MCHR2: variants seen among roughly 807,000 people sequenced by gnomAD.
The protein encoded by MCHR2 is melanin concentrating hormone receptor 2.
MCHR2 carries 15 observed loss-of-function variants against 24.8 expected under a neutral mutation model. That is an observed-to-expected ratio of 0.60 (90% confidence interval 0.40 to 0.93). The LOEUF (loss-of-function observed/expected upper bound fraction) is 0.93. Ranked by LOEUF, MCHR2 falls within the 40% of genes least tolerant of loss-of-function variation. The pLI is 0.00. For synonymous variants in MCHR2, 151 were observed against 147.6 expected, an observed-to-expected ratio of 1.02 and a Z score of -0.17; for missense variants, 386 against 408.7, an observed-to-expected ratio of 0.94 and a Z score of 0.48.
chr6:99,936,614 C>T (rs1245245912), intron 4 of MCHR2, among the ~76,000 whole-genome samples: 2 of 152,002 alleles, frequency 1.3e-5, no homozygotes, highest in Non-Finnish European at 2.9e-5. Context: ...ATTTTGAAGT[C>T]GGGTAGCATG....
chr6:99,970,384 T>C (rs1775383280), intron 1 of MCHR2, among the ~76,000 whole-genome samples: 1 of 152,258 alleles, frequency 6.6e-6, no homozygotes, highest in African/African-American at 2.4e-5. Context: ...GTTCATATCC[T>C]TTGCCCACTT....
At position 99,955,954 on chromosome 6, in the gene MCHR2, G is replaced by T; in HGVS notation, c.182+12C>A. 6.7e-7 allele frequency: 1 copy of T among 1,491,718 alleles called. No individual in the cohort carries two copies. The highest frequency in any genetic ancestry group is 2.4e-5 in the Admixed American group (1 of 42,288). The allele number at this position is 1,491,718 out of a possible 1,614,324, so 92.4% of individuals were successfully genotyped here. A position where few individuals can be genotyped will look rare whatever the true frequency, so the allele number is the denominator to read the frequency against. On this transcript the variant is annotated intron_variant, in intron 2 of 5. Transcript: ENST00000281806. ...ATGGAAGGAAAAAAAAAAAAAAGGA[G>T]CCATTCCTTACCTTATTATAGTGAA...
At chr6:99,987,727 T>A (rs1193660632) in intron 1 of MCHR2, among the ~76,000 whole-genome samples, 1 of 151,944 alleles carries the variant, frequency 6.6e-6, no homozygotes, top group African/African-American at 2.4e-5. Context: ...TATAAGAAAT[T>A]AAGAGTTAAA....
intron 1 of MCHR2, among the ~76,000 whole-genome samples, chr6:99,975,359 AG>A (rs1775527373): frequency 6.6e-6 from 1 of 152,204 alleles, no homozygotes; most frequent in Non-Finnish European, 1.5e-5. Context: ...CCGTGGCCGT[AG>A]GACCCTCTGA....
chr6:99,929,660 C>A (rs985564844), intron 5 of MCHR2, among the ~76,000 whole-genome samples: 79 of 152,096 alleles, frequency 5.2e-4, no homozygotes, highest in Non-Finnish European at 8.7e-4. Context: ...AGGATTGCAA[C>A]CCCTGCCTTT....
chr6:99,973,746 G>A (rs1775486718), intron 1 of MCHR2, among the ~76,000 whole-genome samples: 1 of 152,076 alleles, frequency 6.6e-6, no homozygotes, highest in Non-Finnish European at 1.5e-5. Flanking sequence ...GCTCTTGTAG[G>A]GCAGGCCTGG....
chr6:99,935,520 GTT>G (rs1372709618), intron 4 of MCHR2, among the ~76,000 whole-genome samples: 1 of 151,864 alleles, frequency 6.6e-6, no homozygotes, highest in East Asian at 1.9e-4. Context: ...TTCTATTCAT[GTT>G]GCTACAAATG....
At chr6:99,941,366 T>C (rs993624820) in intron 4 of MCHR2, among the ~76,000 whole-genome samples, 9 of 151,862 alleles carry the variant, frequency 5.9e-5, no homozygotes, top group Non-Finnish European at 1.2e-4. Context: ...TTGTCTTTGA[T>C]TTTCTGAGGG....
intron 1 of MCHR2, among the ~76,000 whole-genome samples, chr6:99,974,741 G>A (rs1775512769): frequency 6.6e-6 from 1 of 152,122 alleles, no homozygotes; most frequent in South Asian, 2.1e-4. Context: ...GGTTTTTGGT[G>A]TGTACTTCCT....
In MCHR2 at chr6:99,934,536, AAGAG is replaced by A. The variant is rs751691904; in HGVS notation, c.588-23_588-20del. 1.9e-5 allele frequency: 30 copies of A among 1,543,442 alleles called. No individual in the cohort carries two copies. Among genetic ancestry groups the A allele is most frequent in the Middle Eastern group, 3.5e-4 (2 of 5,744 alleles). On this transcript the variant is annotated intron_variant, in intron 4 of 5. Coordinates refer to ENST00000281806, the MANE Select transcript of MCHR2 (RefSeq NM_001040179.2). ...TGTATACCTGTAAAATGAGAGAGAGAAGAGAGAGAGAGAAAGAACAACACCATTA... is the reference window on the plus strand; with the variant it reads ...TGTATACCTGTAAAATGAGAGAGAGAAGAGAGAGAAAGAACAACACCATTA...
chr6:99,934,791 A>C (rs1774623934), intron 4 of MCHR2, among the ~76,000 whole-genome samples: 2 of 152,084 alleles, frequency 1.3e-5, no homozygotes, highest in South Asian at 4.1e-4. Context: ...ACCAATCTTC[A>C]GTGTTTAACA....
intron 5 of MCHR2, among the ~76,000 whole-genome samples, chr6:99,922,345 G>C (rs567749168): frequency 6.6e-6 from 1 of 151,984 alleles, no homozygotes; most frequent in African/African-American, 2.4e-5. Flanking sequence ...CTAACCTCGC[G>C]ATCCGCCCGC....
rs770481863 is a variant in MCHR2 at position 99,947,878 on chromosome 6, T to C, written c.276A>G (p.Gln92=). The C allele has an allele frequency of 1.4e-5, 23 of 1,613,126 alleles. No individual in the cohort carries two copies. The highest frequency in any genetic ancestry group is 8.4e-5 in the Admixed American group (5 of 59,866). ...ACACCCACTCTCCCCCTCGGGCCCA[T>C]TGGTGAATAAGAAAAGGCATTCCAA... The part of the protein sequence containing the change: ...HIVGMPFLIH[Q]WARGGEWVFG... Residue 92 remains glutamine (Q), a synonymous_variant, in exon 3 of 6, where the codon CAA becomes CAG. Coordinates refer to ENST00000281806, the MANE Select transcript of MCHR2 (RefSeq NM_001040179.2).
intron 4 of MCHR2, among the ~76,000 whole-genome samples, chr6:99,940,275 T>C (rs909823133): frequency 6.6e-6 from 1 of 152,122 alleles, no homozygotes; most frequent in African/African-American, 2.4e-5. Context: ...AGTCTTCATT[T>C]CTTTTCATTC....
At chr6:99,955,901 G>T in intron 2 of MCHR2, 65 bp downstream of exon 2, 1 of 1,319,152 alleles carries the variant, frequency 7.6e-7, no homozygotes, top group Non-Finnish European at 1.0e-6. Context: ...GACTCATTTA[G>T]GGAGCTTTGA....
chr6:99,945,554 G>A lies in MCHR2; in HGVS notation c.392+2208C>T, dbSNP rs1043646244. Among the ~76,000 whole-genome samples, 5 of 152,158 alleles carry A rather than the reference G, an allele frequency of 3.3e-5. No individual in the cohort carries two copies. In the East Asian group the frequency reaches 5.8e-4, roughly 18 times the overall value. ...CTTGAAATGCATGATCTATTAAACT[G>A]GCAATTAAAATGATTTAAATATGTA... On this transcript the variant is annotated intron_variant, in intron 3 of 5. Coordinates refer to ENST00000281806, the MANE Select transcript of MCHR2 (RefSeq NM_001040179.2).
At chr6:99,978,416 GAC>G (rs1198503325) in intron 1 of MCHR2, among the ~76,000 whole-genome samples, 3 of 119,228 alleles carry the variant, frequency 2.5e-5, no homozygotes, top group African/African-American at 9.3e-5. Context: ...GGGAGGTCAA[GAC>G]AGTTTTTTTT....
chr6:99,968,278 A>G (rs1345622437), intron 1 of MCHR2, among the ~76,000 whole-genome samples: 2 of 152,308 alleles, frequency 1.3e-5, no homozygotes, highest in Admixed American at 6.5e-5. Flanking sequence ...GGGTTTTGAA[A>G]CATAGCACCA....
At chr6:99,943,315 T>C (rs1029688195) in intron 3 of MCHR2, among the ~76,000 whole-genome samples, 172 bp from the exon 4 acceptor site, 1 of 150,360 alleles carries the variant, frequency 6.7e-6, no homozygotes, top group South Asian at 2.1e-4. Context: ...TTTATTTATT[T>C]TTTTAAATTT....
Sources: gnomAD v4.1 joint callset for allele counts (sites outside exome capture counted in the v4.1 genomes callset) on GRCh38, gnomAD v4.1.1 for gene constraint, MANE v1.5 for transcripts, NCBI Gene and HGNC (gene_info 2026-07-23, HGNC 2026-07-21) for gene names.